Variants in SLC35F3 observed in about 807,000 individuals in gnomAD.
SLC35F3 encodes putative thiamine transporter SLC35F3.
Under a neutral mutation model 49.9 loss-of-function variants are expected in SLC35F3, and 25 were observed. The observed-to-expected ratio is 0.50, with a 90% CI of 0.37 to 0.70. SLC35F3 has a LOEUF of 0.70. Among genes scored for constraint, SLC35F3 ranks in the 30% least tolerant of loss-of-function variants. SLC35F3 has a pLI of 0.00. For synonymous variants in SLC35F3, 275 were observed against 265.4 expected (o/e 1.04, Z -0.35); for missense variants, 525 against 639.8 (o/e 0.82, Z 1.94).
At chr1:234,073,164 G>A (rs146119307) in intron 2 of SLC35F3, among the ~76,000 whole-genome samples, 112 of 152,274 alleles carry the variant, frequency 7.4e-4, no homozygotes, top group African/African-American at 2.6e-3. Context: ...TTATTTTACA[G>A]ATAGGGTCTT....
chr1:234,286,837 T>C (rs684495), intron 3 of SLC35F3, among the ~76,000 whole-genome samples: 94,988 of 151,490 alleles, frequency 0.63, 30,014 homozygotes, highest in East Asian at 0.75. Flanking sequence ...TCCTCAAACG[T>C]TGTGAGTTTT....
chr1:233,927,488 G>T (rs1361381443), intron 2 of SLC35F3, among the ~76,000 whole-genome samples: 1 of 151,964 alleles, frequency 6.6e-6, no homozygotes, highest in East Asian at 1.9e-4. Context: ...CTCATGTATG[G>T]GCACGTGTAC....
At chr1:234,017,639 A>T (rs1397202534) in intron 2 of SLC35F3, among the ~76,000 whole-genome samples, 1 of 146,542 alleles carries the variant, frequency 6.8e-6, no homozygotes, top group Admixed American at 6.9e-5. Flanking sequence ...GCATGAACCC[A>T]TGAGGCGGAG....
intron 3 of SLC35F3, among the ~76,000 whole-genome samples, chr1:234,287,815 G>C (rs1668446407): frequency 6.6e-6 from 1 of 152,194 alleles, no homozygotes. Flanking sequence ...TTGTCTGTAA[G>C]CTTAATTTTC....
intron 2 of SLC35F3, among the ~76,000 whole-genome samples, chr1:234,189,919 T>A (rs1347872796): frequency 1.3e-5 from 2 of 152,178 alleles, no homozygotes; most frequent in African/African-American, 4.8e-5. Flanking sequence ...ATATTCAGCC[T>A]CCTTAAACAA....
intron 2 of SLC35F3, among the ~76,000 whole-genome samples, chr1:234,020,580 G>A (rs536863171): frequency 6.6e-6 from 1 of 152,010 alleles, no homozygotes; most frequent in South Asian, 2.1e-4. Context: ...GTTGCTTAAA[G>A]TTTGCTTAAA....
intron 3 of SLC35F3, among the ~76,000 whole-genome samples, chr1:234,233,760 G>A (rs1021651626): frequency 6.6e-6 from 1 of 152,226 alleles, no homozygotes; most frequent in African/African-American, 2.4e-5. Flanking sequence ...AAAGAGGGAG[G>A]ATAATCCCAA....
At chr1:234,187,861 A>G (rs997819177) in intron 2 of SLC35F3, among the ~76,000 whole-genome samples, 4 of 152,198 alleles carry the variant, frequency 2.6e-5, no homozygotes, top group Admixed American at 2.6e-4. Context: ...CCTCCAGCTG[A>G]ACTTTGTAAC....
chr1:234,111,338 CTGGAGTGTAA>C (rs775942542), intron 2 of SLC35F3, among the ~76,000 whole-genome samples: 13 of 152,056 alleles, frequency 8.5e-5, no homozygotes, highest in Non-Finnish European at 1.6e-4. Flanking sequence ...TTTGCCCAGG[CTGGAGTGTAA>C]TGGCGCAATC....
chr1:234,146,032 A>C (rs1291125403), intron 2 of SLC35F3, among the ~76,000 whole-genome samples: 1 of 152,120 alleles, frequency 6.6e-6, no homozygotes, highest in Non-Finnish European at 1.5e-5. Flanking sequence ...GAACCTCTTT[A>C]TAAACAACAT....
chr1:234,262,961 T>C (rs1667928462), intron 3 of SLC35F3, among the ~76,000 whole-genome samples: 1 of 152,208 alleles, frequency 6.6e-6, no homozygotes, highest in Non-Finnish European at 1.5e-5. Flanking sequence ...ATTCCCAGGT[T>C]GCCACAGTTC....
At chr1:234,026,378 G>T (rs760293127) in intron 2 of SLC35F3, among the ~76,000 whole-genome samples, 10 of 152,194 alleles carry the variant, frequency 6.6e-5, no homozygotes, top group Non-Finnish European at 1.3e-4. Flanking sequence ...GCAATGTTTT[G>T]TTAAGGAAGC....
At chr1:234,246,622 G>A (rs1200244964) in intron 3 of SLC35F3, among the ~76,000 whole-genome samples, 1 of 152,152 alleles carries the variant, frequency 6.6e-6, no homozygotes, top group Non-Finnish European at 1.5e-5. Context: ...GTATTTTTAT[G>A]CAAATAGTGC....
chr1:234,216,103 AG>A (rs1667116654), intron 2 of SLC35F3, among the ~76,000 whole-genome samples: 4 of 152,106 alleles, frequency 2.6e-5, no homozygotes, highest in Admixed American at 2.6e-4. Flanking sequence ...TACCTCTTCC[AG>A]GGGTGTTTGT....
At chr1:234,102,783 C>T (rs11589919) in intron 2 of SLC35F3, among the ~76,000 whole-genome samples, 21,111 of 152,214 alleles carry the variant, frequency 0.14, 3,207 homozygotes, top group East Asian at 0.81. Flanking sequence ...CGGCTTTCCA[C>T]GCGAAGATTC....
At chr1:234,298,902 C>T (rs1167360584) in intron 3 of SLC35F3, among the ~76,000 whole-genome samples, 1 of 152,128 alleles carries the variant, frequency 6.6e-6, no homozygotes, top group East Asian at 1.9e-4. Context: ...TTTAAAGTAC[C>T]AGGATCCAGA....
chr1:233,952,812 C>T (rs970615783), intron 2 of SLC35F3, among the ~76,000 whole-genome samples: 2 of 152,178 alleles, frequency 1.3e-5, no homozygotes, highest in African/African-American at 2.4e-5. Flanking sequence ...GGTAGGCTTT[C>T]CACTCATTTT....
At chr1:233,917,150 A>C (rs1571978110) in intron 2 of SLC35F3, among the ~76,000 whole-genome samples, 1 of 152,168 alleles carries the variant, frequency 6.6e-6, no homozygotes, top group Admixed American at 6.5e-5. Context: ...GCTCCATGCC[A>C]TACTTTCTTT....
At chr1:233,978,374 T>G (rs1175176425) in intron 2 of SLC35F3, among the ~76,000 whole-genome samples, 2 of 152,248 alleles carry the variant, frequency 1.3e-5, no homozygotes, top group African/African-American at 2.4e-5. Flanking sequence ...AGAAGACTTC[T>G]TAAAGGCGTA....
Sources: allele counts gnomAD v4.1 joint callset (sites outside exome capture counted in the v4.1 genomes callset), GRCh38; gene constraint gnomAD v4.1.1; transcripts MANE v1.5; gene names NCBI Gene and HGNC (gene_info 2026-07-23, HGNC 2026-07-21).